Variants in RRBP1 observed in about 807,000 individuals in gnomAD.
RRBP1 encodes the protein ribosome-binding protein 1.
A neutral mutation model predicts 165.2 loss-of-function variants in RRBP1; 94 were observed. The observed-to-expected ratio is 0.57, with a 90% CI of 0.48 to 0.68. RRBP1 has a LOEUF of 0.68. Among genes scored for constraint, RRBP1 ranks in the 30% least tolerant of loss-of-function variants. The pLI is 0.00. For synonymous variants in RRBP1, 680 were observed against 714.5 expected (o/e 0.95, Z 0.77); for missense variants, 1,676 against 1,763.0 (o/e 0.95, Z 0.88).
intron 3 of RRBP1, among the ~76,000 whole-genome samples, chr20:17,644,208 T>A (rs1408270531): frequency 6.6e-6 from 1 of 152,202 alleles, no homozygotes; most frequent in Non-Finnish European, 1.5e-5. Flanking sequence ...AGCTGGTTGC[T>A]ATGAGCACCT....
chr20:17,616,750 G>A lies in RRBP1; in HGVS notation c.3849C>T (p.Ala1283=), dbSNP rs147915375. The change falls in exon 21 of 25, where the codon GCC becomes GCT. Residue 1283 remains alanine (A), a synonymous_variant. Coordinates refer to ENST00000377813, the MANE Select transcript of RRBP1 (RefSeq NM_001365613.2). ...CCCTAACCTGAACGGGGTCCTGCTCGGCTGGGGGCGCCTCTGGGGAGGAAG... is the reference window on the plus strand; with the variant it reads ...CCCTAACCTGAACGGGGTCCTGCTCAGCTGGGGGCGCCTCTGGGGAGGAAG... ...APASSPEAPP[A]EQDPVQLKTQ... 277 of 1,610,520 alleles carry A rather than the reference G, an allele frequency of 1.7e-4. No homozygotes were observed. Among genetic ancestry groups the A allele is most frequent in the Non-Finnish European group, 2.2e-4 (254 of 1,178,554 alleles).
At chr20:17,667,606 T>G (rs984174566) in intron 2 of RRBP1, among the ~76,000 whole-genome samples, 1 of 152,214 alleles carries the variant, frequency 6.6e-6, no homozygotes, top group Admixed American at 6.5e-5. Context: ...GCCTCCCCAG[T>G]GGTCAAACCA....
chr20:17,615,605 C>G, intron 22 of RRBP1, 76 bp from the exon 23 acceptor site: 7 of 1,279,168 alleles, frequency 5.5e-6, no homozygotes, highest in Middle Eastern at 1.9e-4. Context: ...ACCGAGCACG[C>G]CTGGGGACCA....
At chr20:17,652,447 C>T (rs2036575292) in intron 3 of RRBP1, among the ~76,000 whole-genome samples, 1 of 152,160 alleles carries the variant, frequency 6.6e-6, no homozygotes, top group Non-Finnish European at 1.5e-5. Flanking sequence ...GCCTCCTGGA[C>T]TCATGGGAGG....
Position 17,615,476 on chromosome 20 carries a change from G to A in RRBP1, c.4005C>T (p.Ala1335=), listed in dbSNP as rs375515144. ...CTGTTTCTGAAGACTCTAGGGGGCC[G>A]GCTGTGCGGAGCTTCTCCAATTCTT... ...LQEELEKLRT[A]GPLESSETEE... Residue 1335 remains alanine, a synonymous_variant, in exon 23 of 25, where the codon GCC becomes GCT. Transcript: ENST00000377813. The A allele has an allele frequency of 1.4e-5, 22 of 1,608,252 alleles. No homozygotes were observed. Among genetic ancestry groups the A allele is most frequent in the East Asian group, 9.0e-5 (4 of 44,456 alleles).
intron 3 of RRBP1, among the ~76,000 whole-genome samples, chr20:17,651,830 C>A (rs1219471360): frequency 1.3e-5 from 2 of 152,194 alleles, no homozygotes; most frequent in Non-Finnish European, 2.9e-5. Context: ...CAGCCATGGA[C>A]AAGTGGTAAA....
rs553494728 is a variant in RRBP1, at chr20:17,641,986, A to G, written c.2062-67T>C. 1.3e-5 allele frequency: 20 copies of G among 1,544,658 alleles called. No homozygotes were observed. The African/African-American group carries it at 2.7e-4, about 21-fold the overall frequency. On this transcript the variant is annotated intron_variant, in intron 4 of 24. Coordinates refer to ENST00000377813, the MANE Select transcript of RRBP1 (RefSeq NM_001365613.2). ...GACTTGGCTCATCCCCTGACCCCGG[A>G]CAAGAGCAGAGGCCTGAGGGCTTGA...
intron 20 of RRBP1, among the ~76,000 whole-genome samples, chr20:17,617,879 T>C (rs1362063023): frequency 1.3e-5 from 2 of 152,340 alleles, no homozygotes; most frequent in African/African-American, 4.8e-5. Flanking sequence ...AAACAGAACA[T>C]GTCTGCGGCC....
Position 17,635,177 on chromosome 20 carries a change from G to GC in RRBP1, c.2456+368dup, listed in dbSNP as rs532037061. Among the ~76,000 whole-genome samples the GC allele has an allele frequency of 8.5e-5, 13 of 152,308 alleles. No individual in the cohort carries two copies. In the South Asian group the frequency reaches 2.5e-3, roughly 29 times the overall value. ...CTCCGGAGGGGAAGTGCACCCTCCG[G>GC]CCCACTTGCTGTGGGCTGCGGTGCT... On this transcript the variant is annotated intron_variant, in intron 7 of 24. Transcript: ENST00000377813.
intron 3 of RRBP1, among the ~76,000 whole-genome samples, chr20:17,649,188 C>G (rs1449293055): frequency 6.6e-6 from 1 of 152,188 alleles, no homozygotes; most frequent in Non-Finnish European, 1.5e-5. Context: ...TTCTTCAGAG[C>G]TTCAGACCCT....
intron 13 of RRBP1, among the ~76,000 whole-genome samples, chr20:17,624,125 A>G (rs1018091976): frequency 6.6e-6 from 1 of 152,210 alleles, no homozygotes; most frequent in African/African-American, 2.4e-5. Flanking sequence ...CAGCACGGAG[A>G]AGCCCATCAA....
At chr20:17,618,056 GGCT>G (rs57326119) in intron 20 of RRBP1, among the ~76,000 whole-genome samples, 21,577 of 152,172 alleles carry the variant, frequency 0.14, 2,079 homozygotes, top group East Asian at 0.48. Flanking sequence ...CTGCCAAGGG[GGCT>G]GCTCTCTGCA....
At chr20:17,663,113 C>G (rs77211956) in intron 2 of RRBP1, among the ~76,000 whole-genome samples, 2,368 of 152,308 alleles carry the variant, frequency 0.016, 86 homozygotes, top group Admixed American at 0.074. Flanking sequence ...AACCCCGAAT[C>G]GTTTCCCAAC....
chr20:17,678,047 G>A (rs1362192149), intron 2 of RRBP1, among the ~76,000 whole-genome samples: 1 of 152,206 alleles, frequency 6.6e-6, no homozygotes, highest in African/African-American at 2.4e-5. Context: ...TTCTTGATAA[G>A]TTAAAGTTGC....
rs1470789254 is a variant in RRBP1 at position 17,633,533 on chromosome 20, C to T, written c.2537G>A (p.Arg846Gln). The T allele has an allele frequency of 1.9e-6, 3 of 1,613,962 alleles. No homozygotes were observed. The highest frequency in any genetic ancestry group is 1.7e-5 in the Admixed American group (1 of 60,010). Residue 846 changes from arginine to glutamine, a missense_variant, in exon 8 of 25, where the codon CGG becomes CAG. By Grantham distance (43) the Arg-to-Gln change is conservative (BLOSUM62 1). Around this residue, in one of 5 missense-constraint regions of RRBP1, gnomAD observed 1,184 missense variants for 1,167.1 expected, o/e 1.01. Coordinates refer to ENST00000377813, the MANE Select transcript of RRBP1 (RefSeq NM_001365613.2). ...AGCTTTCCGCTGCTGCTCATCTTGC[C>T]GCACAGCCTCTGACTTCTCCACCAG... ...KELVEKSEAV[R>Q]QDEQQRKALE...
At chr20:17,649,173 G>C (rs1052181506) in intron 3 of RRBP1, among the ~76,000 whole-genome samples, 1 of 152,242 alleles carries the variant, frequency 6.6e-6, no homozygotes, top group African/African-American at 2.4e-5. Context: ...AAGCCCCAGA[G>C]AGTTTTCTTC....
At chr20:17,674,757 C>CA (rs557267622) in intron 2 of RRBP1, among the ~76,000 whole-genome samples, 49 of 150,638 alleles carry the variant, frequency 3.3e-4, no homozygotes, top group East Asian at 7.8e-4. Context: ...GACTCCCTCT[C>CA]AAAAAAAAAG....
At chr20:17,642,075 G>A (rs975454416) in intron 4 of RRBP1, among the ~76,000 whole-genome samples, 156 bp from the exon 5 acceptor site, 3 of 152,216 alleles carry the variant, frequency 2.0e-5, no homozygotes. Flanking sequence ...GTGGGGAAAG[G>A]CGGCCCCGCC....
chr20:17,662,468 G>C (rs144116994), intron 2 of RRBP1, among the ~76,000 whole-genome samples: 93 of 152,290 alleles, frequency 6.1e-4, no homozygotes, highest in Non-Finnish European at 1.1e-3. Context: ...GAGCGAGACT[G>C]AGTCACACTT....
Sources: allele counts gnomAD v4.1 joint callset (sites outside exome capture counted in the v4.1 genomes callset), GRCh38; gene constraint gnomAD v4.1.1; regional missense constraint gnomAD v4.1.1; transcripts MANE v1.5; gene names NCBI Gene and HGNC (gene_info 2026-07-23, HGNC 2026-07-21).